The following CDC42BPA variants were observed in gnomAD, a reference collection of about 807,000 sequenced individuals.
The protein encoded by CDC42BPA is CDC42 binding protein kinase alpha.
A neutral mutation model predicts 223.5 loss-of-function variants in CDC42BPA; 80 were observed. The observed-to-expected ratio is 0.36, with a 90% CI of 0.30 to 0.43. The LOEUF (loss-of-function observed/expected upper bound fraction) is 0.43. Among genes scored for constraint, CDC42BPA ranks in the 20% least tolerant of loss-of-function variants. The pLI, the probability that CDC42BPA is intolerant of heterozygous loss-of-function variation, is 1.00. For synonymous variants in CDC42BPA, 694 were observed against 718.6 expected (o/e 0.97, Z 0.55); for missense variants, 1,743 against 2,099.9 (o/e 0.83, Z 3.32).
intron 7 of CDC42BPA, 78 bp from the exon 8 acceptor site, chr1:227,145,815 T>A: frequency 9.0e-7 from 1 of 1,115,218 alleles, no homozygotes; most frequent in Non-Finnish European, 1.3e-6. Flanking sequence ...TTTATTTTCT[T>A]AAAAATACAT....
intron 17 of CDC42BPA, among the ~76,000 whole-genome samples, chr1:227,076,779 T>C (rs79257318): frequency 0.014 from 2,099 of 152,294 alleles, 17 homozygotes; most frequent in Middle Eastern, 0.051. Flanking sequence ...CCTTTAAACA[T>C]GTACAAACTC....
chr1:227,297,361 T>C (rs1347651161), intron 1 of CDC42BPA, among the ~76,000 whole-genome samples: 1 of 152,180 alleles, frequency 6.6e-6, no homozygotes, highest in Non-Finnish European at 1.5e-5. Context: ...ACCACTGCTT[T>C]GAAAAACAGT....
At chr1:227,030,832 A>G (rs1326689044) in intron 28 of CDC42BPA, among the ~76,000 whole-genome samples, 1 of 152,196 alleles carries the variant, frequency 6.6e-6, no homozygotes, top group African/African-American at 2.4e-5. Flanking sequence ...AAAGAGTTAG[A>G]TGCATACACA....
intron 5 of CDC42BPA, among the ~76,000 whole-genome samples, chr1:227,182,622 C>T (rs1357484999): frequency 6.6e-6 from 1 of 152,182 alleles, no homozygotes; most frequent in Non-Finnish European, 1.5e-5. Context: ...TAGTGTTAGA[C>T]TAGACCTTAT....
rs1329162002 is a variant in CDC42BPA at position 227,139,743 on chromosome 1, C to A, written c.1224-1G>T. The A allele has an allele frequency of 6.6e-7, 1 of 1,504,522 alleles. No homozygotes were observed. The allele number at this position is 1,504,522 out of a possible 1,614,324, so 93.2% of individuals were successfully genotyped here. A position where few individuals can be genotyped will look rare whatever the true frequency, so the allele number is the denominator to read the frequency against. ...TAAACAGCTCCGATCAGAAAGTACA[C>A]TGAAGAAAAGAAAAAAAAATGTAGG... On this transcript the variant is annotated splice_acceptor_variant, in intron 9 of 36. Transcript: ENST00000366766. LOFTEE classifies it high-confidence loss of function.
intron 32 of CDC42BPA, among the ~76,000 whole-genome samples, chr1:227,017,408 T>C (rs1002478081): frequency 7.2e-5 from 11 of 152,194 alleles, no homozygotes; most frequent in Non-Finnish European, 1.6e-4. Context: ...TTGATTTCAA[T>C]GGCTTAGGGT....
chr1:227,307,882 T>C (rs184708002), intron 1 of CDC42BPA, among the ~76,000 whole-genome samples: 1 of 152,342 alleles, frequency 6.6e-6, no homozygotes, highest in East Asian at 1.9e-4. Context: ...AGATTGGAGA[T>C]ATATAAATAT....
chr1:227,290,518 TAATAG>T (rs60063891), intron 1 of CDC42BPA, among the ~76,000 whole-genome samples: 23,797 of 151,974 alleles, frequency 0.16, 2,119 homozygotes, highest in East Asian at 0.36. Flanking sequence ...AACACAGATA[TAATAG>T]AATTTATTTG....
chr1:227,097,526 G>A (rs1281738654), intron 15 of CDC42BPA, among the ~76,000 whole-genome samples: 1 of 152,148 alleles, frequency 6.6e-6, no homozygotes, highest in Non-Finnish European at 1.5e-5. Context: ...ATGATCAGGT[G>A]GTTGTTAAAC....
In CDC42BPA at chr1:227,273,076, T is replaced by C. The variant is rs550035911; in HGVS notation, c.179-18921A>G. 2.0e-4 allele frequency among the ~76,000 whole-genome samples: 30 copies of C among 151,972 alleles called. No homozygotes were observed. In the East Asian group the frequency reaches 5.6e-3, roughly 29 times the overall value. ...GGGAGGCCAAGGTGGGTGGATCACC[T>C]AAGGTGAGATCAGGAGTTTGAGACC... is the stretch of plus-strand genomic sequence containing the variant. On this transcript the variant is annotated intron_variant, in intron 1 of 36. Coordinates refer to ENST00000366766, the MANE Select transcript of CDC42BPA (RefSeq NM_001394014.1).
chr1:227,020,506 G>C (rs1667169962), intron 32 of CDC42BPA, among the ~76,000 whole-genome samples: 1 of 152,152 alleles, frequency 6.6e-6, no homozygotes, highest in Admixed American at 6.5e-5. Context: ...TTATGTTATG[G>C]AGATGGCTTC....
At chr1:227,166,002 G>A (rs1664969453) in intron 5 of CDC42BPA, among the ~76,000 whole-genome samples, 1 of 152,076 alleles carries the variant, frequency 6.6e-6, no homozygotes, top group Non-Finnish European at 1.5e-5. Context: ...TTTTCACTAA[G>A]CCACTAAGAT....
chr1:227,114,022 A>AAAAAAAAAAAAAAAG (rs1162177105), intron 12 of CDC42BPA, among the ~76,000 whole-genome samples: 4 of 151,666 alleles, frequency 2.6e-5, no homozygotes, highest in Non-Finnish European at 4.4e-5. Context: ...CAACTCAAAA[A>AAAAAAAAAAAAAAAG]AAAAGAAAAG....
At chr1:227,016,828 A>G in intron 33 of CDC42BPA, 99 bp downstream of exon 33, 1 of 1,215,338 alleles carries the variant, frequency 8.2e-7, no homozygotes, top group Non-Finnish European at 1.1e-6. Context: ...TGAGATTTTC[A>G]GATACCCAAT....
rs141590923 is a variant in CDC42BPA at position 227,246,042 on chromosome 1, G to A, written c.270+8022C>T. Among the ~76,000 whole-genome samples, 789 of 152,272 alleles carry A rather than the reference G, an allele frequency of 5.2e-3. 4 individuals carry two copies. The highest frequency in any genetic ancestry group is 8.5e-3 in the Non-Finnish European group (576 of 68,010). On this transcript the variant is annotated intron_variant, in intron 2 of 36. Transcript: ENST00000366766. The stretch of plus-strand genomic sequence containing the variant: ...GTCCAGCCTCTTGGACACCATTTCT[G>A]GACCGGCTCTGGGCCAGAGGGGGGC...
chr1:227,314,971 T>C (rs1412936487), intron 1 of CDC42BPA, among the ~76,000 whole-genome samples: 18 of 152,014 alleles, frequency 1.2e-4, no homozygotes, highest in Admixed American at 9.8e-4. Context: ...TATTGTTAAG[T>C]AATTAAAATA....
intron 21 of CDC42BPA, among the ~76,000 whole-genome samples, chr1:227,065,267 G>C (rs566724028): frequency 2.6e-5 from 4 of 152,180 alleles, no homozygotes; most frequent in African/African-American, 9.6e-5. Flanking sequence ...CTTAATAACA[G>C]AAGAGTGCTG....
chr1:227,233,316 C>T (rs1331888968), intron 2 of CDC42BPA, among the ~76,000 whole-genome samples: 1 of 152,156 alleles, frequency 6.6e-6, no homozygotes, highest in Non-Finnish European at 1.5e-5. Flanking sequence ...GGATTACAGG[C>T]ATGAGCCACC....
chr1:227,240,321 C>G (rs1679800049), intron 2 of CDC42BPA, among the ~76,000 whole-genome samples: 1 of 152,018 alleles, frequency 6.6e-6, no homozygotes, highest in African/African-American at 2.4e-5. Flanking sequence ...GACTAACAGA[C>G]TCAACATTAT....
Sources: allele counts gnomAD v4.1 joint callset (sites outside exome capture counted in the v4.1 genomes callset), GRCh38; gene constraint gnomAD v4.1.1; transcripts MANE v1.5; gene names NCBI Gene and HGNC (gene_info 2026-07-23, HGNC 2026-07-21).